The following CCDC7 variants were observed in gnomAD, a reference collection of about 807,000 sequenced individuals.
The protein encoded by CCDC7 is coiled-coil domain containing 7, also known as coiled-coil domain-containing protein 7.
In CCDC7, 183 loss-of-function variants were observed where a neutral mutation model predicts 196.9. The ratio of observed to expected loss-of-function variants is 0.93; its 90% CI spans 0.82 to 1.05. The LOEUF is 1.05. CCDC7 is among the 50% of genes least tolerant of loss of function. The pLI is 0.00. For missense variants in CCDC7, 1,540 were observed against 1,482.2 expected, an observed-to-expected ratio of 1.04 and a Z score of -0.64; for synonymous variants, 525 against 484.6, an observed-to-expected ratio of 1.08 and a Z score of -1.10.
intron 23 of CCDC7, among the ~76,000 whole-genome samples, chr10:32,693,465 T>C (rs974618153): frequency 5.3e-5 from 8 of 152,032 alleles, no homozygotes; most frequent in African/African-American, 1.9e-4. Context: ...TTCGTAGGTA[T>C]TTTTTTCCTT....
chr10:32,578,581 TAAC>T (rs890501664), intron 16 of CCDC7, among the ~76,000 whole-genome samples: 12 of 151,314 alleles, frequency 7.9e-5, no homozygotes, highest in African/African-American at 2.7e-4. Flanking sequence ...CATGTGAAGT[TAAC>T]AATAGGATTT....
At chr10:32,756,065 TA>T (rs2076391805) in intron 28 of CCDC7, among the ~76,000 whole-genome samples, 1 of 151,842 alleles carries the variant, frequency 6.6e-6, no homozygotes, top group African/African-American at 2.4e-5. Context: ...GAAAAAAGAA[TA>T]AAAAGAAATG....
At chr10:32,773,158 T>A (rs1400233545) in intron 28 of CCDC7, among the ~76,000 whole-genome samples, 1 of 152,228 alleles carries the variant, frequency 6.6e-6, no homozygotes, top group Non-Finnish European at 1.5e-5. Context: ...GATTACATTT[T>A]GGCTTGAATT....
intron 24 of CCDC7, among the ~76,000 whole-genome samples, chr10:32,709,450 C>A (rs190533559): frequency 6.2e-4 from 94 of 151,874 alleles, no homozygotes; most frequent in Non-Finnish European, 2.9e-4. Flanking sequence ...GCACATGTAC[C>A]CTAGAACTTA....
intron 30 of CCDC7, among the ~76,000 whole-genome samples, chr10:32,808,045 C>T (rs1445643139): frequency 1.3e-5 from 2 of 152,094 alleles, no homozygotes; most frequent in African/African-American, 4.8e-5. Context: ...TCAATCCTAC[C>T]CAGCGGCAGG....
chr10:32,810,405 C>T (rs1013522029), intron 30 of CCDC7, among the ~76,000 whole-genome samples: 2 of 151,802 alleles, frequency 1.3e-5, no homozygotes, highest in African/African-American at 4.8e-5. Context: ...AAGTCAAAAA[C>T]AATAAAAAGA....
intron 41 of CCDC7, among the ~76,000 whole-genome samples, chr10:32,862,919 A>G (rs2094060221): frequency 6.6e-6 from 1 of 152,110 alleles, no homozygotes; most frequent in African/African-American, 2.4e-5. Flanking sequence ...ATGATAGCAT[A>G]AAAAAGCTAA....
chr10:32,832,444 A>C (rs373371920), intron 32 of CCDC7, among the ~76,000 whole-genome samples: 1 of 152,236 alleles, frequency 6.6e-6, no homozygotes, highest in South Asian at 2.1e-4. Flanking sequence ...TGGAGTTTGC[A>C]GTGAGCCAAG....
rs988959623 is a variant in CCDC7, at chr10:32,767,176, A to G, written c.2906-11801A>G. ...ACACCTCCCACTGGGCACGTGTCCA[A>G]TATTGGTGATCAAGTGTCAACATGA... is the stretch of plus-strand genomic sequence containing the variant. On this transcript the variant is annotated intron_variant, in intron 28 of 41. Coordinates refer to ENST00000639629, the Ensembl canonical transcript of CCDC7. Among the ~76,000 whole-genome samples the G allele has an allele frequency of 2.6e-5, 4 of 152,208 alleles. No homozygotes were observed. The East Asian group carries it at 5.8e-4, about 22-fold the overall frequency.
intron 25 of CCDC7, among the ~76,000 whole-genome samples, chr10:32,722,892 T>C (rs1481223562): frequency 1.3e-5 from 2 of 152,078 alleles, no homozygotes; most frequent in Admixed American, 6.6e-5. Context: ...TATTGAACTT[T>C]TACCTTGTTA....
intron 25 of CCDC7, among the ~76,000 whole-genome samples, chr10:32,720,282 T>G (rs1477157499): frequency 6.6e-6 from 1 of 152,062 alleles, no homozygotes; most frequent in East Asian, 1.9e-4. Context: ...CTCAGCAAAC[T>G]AACACAGCAA....
chr10:32,726,761 A>G, exon 26 of CCDC7: 5 of 1,601,532 alleles, frequency 3.1e-6, no homozygotes, highest in East Asian at 2.2e-5. Context: ...ATGTTTGTTC[A>G]TCAAGATTCA....
chr10:32,822,951 T>C (rs575075327), intron 31 of CCDC7, among the ~76,000 whole-genome samples: 1 of 152,188 alleles, frequency 6.6e-6, no homozygotes, highest in Non-Finnish European at 1.5e-5. Flanking sequence ...GCTCTACTCA[T>C]TGACTCCCTG....
chr10:32,736,731 A>G (rs1296273660), intron 28 of CCDC7, among the ~76,000 whole-genome samples: 2 of 152,162 alleles, frequency 1.3e-5, no homozygotes, highest in Admixed American at 6.6e-5. Flanking sequence ...TTGCTGGTAT[A>G]TAGGAAAGCA....
At chr10:32,844,183 A>AT (rs1249618927) in intron 33 of CCDC7, among the ~76,000 whole-genome samples, 1 of 151,874 alleles carries the variant, frequency 6.6e-6, no homozygotes, top group Non-Finnish European at 1.5e-5. Flanking sequence ...ACTTTCATGT[A>AT]TTTTTCCTGT....
chr10:32,716,420 A>T (rs1388888554), intron 25 of CCDC7, among the ~76,000 whole-genome samples: 1 of 152,238 alleles, frequency 6.6e-6, no homozygotes, highest in Non-Finnish European at 1.5e-5. Flanking sequence ...GAAAGGAAAA[A>T]CTGGTAGCAG....
At chr10:32,695,249 G>T (rs1423843071) in intron 24 of CCDC7, among the ~76,000 whole-genome samples, 1 of 152,160 alleles carries the variant, frequency 6.6e-6, no homozygotes, top group African/African-American at 2.4e-5. Flanking sequence ...CTGTCAAAGG[G>T]TGTTTGCTTT....
intron 33 of CCDC7, among the ~76,000 whole-genome samples, chr10:32,838,731 G>A (rs1035263819): frequency 6.6e-6 from 1 of 151,964 alleles, no homozygotes; most frequent in Non-Finnish European, 1.5e-5. Flanking sequence ...GAGCTGCGAG[G>A]CAAAAGCATA....
At chr10:32,870,175 T>A (rs991457904) in intron 41 of CCDC7, among the ~76,000 whole-genome samples, 2 of 152,156 alleles carry the variant, frequency 1.3e-5, no homozygotes, top group African/African-American at 4.8e-5. Flanking sequence ...AATCTGTAAA[T>A]TACCTTGGGC....
Sources: gnomAD v4.1 joint callset for allele counts (sites outside exome capture counted in the v4.1 genomes callset) on GRCh38, gnomAD v4.1.1 for gene constraint, MANE v1.5 for transcripts, NCBI Gene and HGNC (gene_info 2026-07-23, HGNC 2026-07-21) for gene names.